MTUS1: variants seen among roughly 807,000 people sequenced by gnomAD.
The protein encoded by MTUS1 is microtubule-associated tumor suppressor 1.
MTUS1 carries 109 observed loss-of-function variants against 120.8 expected under a neutral mutation model. That is an observed-to-expected ratio of 0.90 (90% CI 0.77 to 1.06). The LOEUF is 1.06. MTUS1 is among the 50% of genes least tolerant of loss of function. The probability of loss-of-function intolerance (pLI) is 0.00; values close to 1 mark genes in which losing one functional copy is unlikely to be tolerated. For missense variants in MTUS1, 2,210 were observed against 1,486.3 expected, an observed-to-expected ratio of 1.49 and a Z score of -8.01; for synonymous variants, 737 against 550.5, an observed-to-expected ratio of 1.34 and a Z score of -4.74.
At chr8:17,676,095 CGAGG>C in intron 7 of MTUS1, 1 of 579,638 alleles carries the variant, frequency 1.7e-6, no homozygotes, top group Non-Finnish European at 3.1e-6. Flanking sequence ...AATGCCCTCA[CGAGG>C]ATCACCCAAG....
At chr8:17,746,836 T>C (rs1227570070) in intron 2 of MTUS1, among the ~76,000 whole-genome samples, 4 of 152,218 alleles carry the variant, frequency 2.6e-5, no homozygotes, top group Admixed American at 1.3e-4. Context: ...TTGTACCCCA[T>C]TTTAAAGAAC....
intron 6 of MTUS1, chr8:17,697,240 A>C: frequency 6.2e-7 from 1 of 1,603,248 alleles, no homozygotes; most frequent in East Asian, 2.2e-5. Context: ...CTAAACAGAG[A>C]TCTATGCGAG....
chr8:17,757,947 T>A (rs7462737), intron 1 of MTUS1, among the ~76,000 whole-genome samples: 1 of 152,060 alleles, frequency 6.6e-6, no homozygotes, highest in Non-Finnish European at 1.5e-5. Context: ...ATGAGGGCTG[T>A]GTGATTTATA....
chr8:17,768,923 ATTTTTG>A (rs1390777804), intron 1 of MTUS1, among the ~76,000 whole-genome samples: 3 of 151,928 alleles, frequency 2.0e-5, no homozygotes, highest in African/African-American at 4.8e-5. Context: ...TTTTCGGGGG[ATTTTTG>A]TTTTTGTTTT....
At chr8:17,776,461 C>T (rs186187462) in intron 1 of MTUS1, among the ~76,000 whole-genome samples, 1 of 152,066 alleles carries the variant, frequency 6.6e-6, no homozygotes, top group Non-Finnish European at 1.5e-5. Flanking sequence ...GTGGGCGGAT[C>T]ACCTGAGCTC....
intron 1 of MTUS1, among the ~76,000 whole-genome samples, chr8:17,782,190 T>C (rs560753723): frequency 6.6e-6 from 1 of 152,318 alleles, no homozygotes; most frequent in African/African-American, 2.4e-5. Context: ...TGTCCATTCA[T>C]AACAGTGAGA....
chr8:17,753,532 GCA>G (rs1404564473), intron 2 of MTUS1, among the ~76,000 whole-genome samples, 183 bp downstream of exon 2: 1 of 151,862 alleles, frequency 6.6e-6, no homozygotes, highest in Non-Finnish European at 1.5e-5. Flanking sequence ...TTTTCCATAT[GCA>G]GTTTTGTTGT....
chr8:17,800,199 T>G (rs1315668815), intron 1 of MTUS1, among the ~76,000 whole-genome samples: 1 of 152,078 alleles, frequency 6.6e-6, no homozygotes, highest in African/African-American at 2.4e-5. Flanking sequence ...CTGCATTGCC[T>G]CCCTTCCTCC....
chr8:17,746,580 T>C (rs767489635), intron 2 of MTUS1, among the ~76,000 whole-genome samples: 13 of 152,100 alleles, frequency 8.5e-5, no homozygotes, highest in Non-Finnish European at 1.9e-4. Context: ...ACTTACTCAC[T>C]ACCACAAGAA....
Position 17,655,881 on chromosome 8 carries a change from T to G in MTUS1, c.3090A>C (p.Lys1030Asn). The G allele has an allele frequency of 6.2e-7, 1 of 1,614,196 alleles. No homozygotes were observed. The highest frequency in any genetic ancestry group is 1.1e-5 in the South Asian group (1 of 91,082). The change falls in exon 9 of 15, where the codon AAA becomes AAC. Residue 1030 changes from lysine to asparagine, a missense_variant. Coordinates refer to ENST00000693296, the MANE Select transcript of MTUS1 (RefSeq NM_001363059.2). ...CACAGACCTGCTCTTGCAATTGCAT[T>G]TTGTACTTCTCTGCTTCTTCAATGT... is the stretch of plus-strand genomic sequence containing the variant. ...DTYIEEAEKYKMQLQEQFDNL... is the reference protein window; with the variant it reads ...DTYIEEAEKYNMQLQEQFDNL...
At chr8:17,786,694 C>T (rs2051329414) in intron 1 of MTUS1, among the ~76,000 whole-genome samples, 2 of 152,144 alleles carry the variant, frequency 1.3e-5, no homozygotes, top group Non-Finnish European at 2.9e-5. Context: ...AGTGTCCCAC[C>T]TGCTTCCGTA....
chr8:17,785,894 C>A (rs915100512), intron 1 of MTUS1, among the ~76,000 whole-genome samples: 1 of 152,196 alleles, frequency 6.6e-6, no homozygotes, highest in Non-Finnish European at 1.5e-5. Context: ...CCTGTAATCA[C>A]GGCACTTTGG....
chr8:17,701,753 G>C (rs1179968634), intron 6 of MTUS1, among the ~76,000 whole-genome samples: 1 of 152,088 alleles, frequency 6.6e-6, no homozygotes, highest in African/African-American at 2.4e-5. Context: ...GTTTCACCGT[G>C]TTAGCCAGGA....
intron 6 of MTUS1, chr8:17,706,176 C>A (rs980897579): frequency 1.3e-5 from 2 of 152,076 alleles, no homozygotes; most frequent in Non-Finnish European, 2.9e-5. Context: ...TGTAAAAGAT[C>A]GCCATCATTA....
Position 17,713,225 on chromosome 8 carries a change from G to C in MTUS1, c.2612C>G (p.Ala871Gly). 1 of 1,598,290 alleles carries C rather than the reference G, an allele frequency of 6.3e-7. No homozygotes were observed. Among genetic ancestry groups the C allele is most frequent in the African/African-American group, 1.3e-5 (1 of 74,534 alleles). Residue 871 changes from alanine (A) to glycine (G), a missense_variant, in exon 6 of 15, where the codon GCT becomes GGT. By Grantham distance (60) the Ala-to-Gly change is moderately conservative. Coordinates refer to ENST00000693296, the MANE Select transcript of MTUS1 (RefSeq NM_001363059.2). ...AAGTGGTCACTCACCTGCATTAAGA[G>C]CTGTAAATAAATTTTTTCTCGAAGG... ...KGPSRKNLFT[A>G]LNAVEKSRQK...
chr8:17,754,087 G>A lies in MTUS1; in HGVS notation c.1721C>T (p.Thr574Ile), dbSNP rs984075703. ...DKKAEILINK[T>I]HKQQFNKLIT... ...GAGTTTATTAAACTGCTGCTTATGTGTCTTGTTAATTAGAATTTCTGCTTT... is the reference window on the plus strand; with the variant it reads ...GAGTTTATTAAACTGCTGCTTATGTATCTTGTTAATTAGAATTTCTGCTTT... The change falls in exon 2 of 15, where the codon ACA (threonine) becomes ATA (isoleucine). Residue 574 changes from threonine (T) to isoleucine (I), a missense_variant. Thr to Ile is a moderately conservative substitution (Grantham distance 89). Coordinates refer to ENST00000693296, the MANE Select transcript of MTUS1 (RefSeq NM_001363059.2). 7 of 1,613,744 alleles carry A rather than the reference G, an allele frequency of 4.3e-6. No homozygotes were observed. The highest frequency in any genetic ancestry group is 1.6e-4 in the Middle Eastern group (1 of 6,084).
intron 2 of MTUS1, among the ~76,000 whole-genome samples, chr8:17,748,881 C>T (rs2047974528): frequency 6.6e-6 from 1 of 152,178 alleles, no homozygotes; most frequent in South Asian, 2.1e-4. Context: ...ACATAGTATG[C>T]ACCCAATAAA....
At position 17,755,590 on chromosome 8, in the gene MTUS1, C is replaced by T. The variant is rs746466971; in HGVS notation, c.218G>A (p.Ser73Asn). The change falls in exon 2 of 15, where the codon AGC becomes AAC. Residue 73 changes from serine to asparagine, a missense_variant. Transcript: ENST00000693296. The stretch of plus-strand genomic sequence containing the variant: ...ACCAAATACTTCAACACCCTGAAGG[C>T]TTAAAGAAATATTTTCACCAGTAAC... ...AVVTGENISL[S>N]LQGVEVFGHE... 6.2e-6 allele frequency: 10 copies of T among 1,613,986 alleles called. No homozygotes were observed. The highest frequency in any genetic ancestry group is 1.3e-5 in the African/African-American group (1 of 74,922).
intron 1 of MTUS1, among the ~76,000 whole-genome samples, chr8:17,789,635 A>T (rs1392141306): frequency 1.3e-5 from 2 of 152,230 alleles, no homozygotes; most frequent in East Asian, 3.9e-4. Flanking sequence ...CTCACCTTAT[A>T]CCTCCCAACC....
Sources: allele counts gnomAD v4.1 joint callset (sites outside exome capture counted in the v4.1 genomes callset), GRCh38; gene constraint gnomAD v4.1.1; transcripts MANE v1.5; gene names NCBI Gene and HGNC (gene_info 2026-07-23, HGNC 2026-07-21).